The following RUNDC1 variants were observed in gnomAD, a reference collection of about 807,000 sequenced individuals.
The protein encoded by RUNDC1 is RUN domain-containing protein 1.
RUNDC1 carries 31 observed loss-of-function variants against 49.3 expected under a neutral mutation model. The observed-to-expected ratio is 0.63, with a 90% CI of 0.47 to 0.85. The LOEUF is 0.85. Among genes scored for constraint, RUNDC1 ranks in the 40% least tolerant of loss-of-function variants. The pLI, the probability that RUNDC1 is intolerant of heterozygous loss-of-function variation, is 0.00. For missense variants in RUNDC1, 715 were observed against 806.7 expected (o/e 0.89, Z 1.38); for synonymous variants, 347 against 348.6 (o/e 1.00, Z 0.05).
rs1158491596 is a variant in RUNDC1 at position 42,991,847 on chromosome 17, A to G, written c.*131A>G. The G allele has an allele frequency of 2.2e-6, 2 of 907,636 alleles. No homozygotes were observed. Among genetic ancestry groups the G allele is most frequent in the East Asian group, 4.9e-5 (2 of 40,502 alleles). The allele number at this position is 907,636 out of a possible 1,614,324, so 56.2% of individuals were successfully genotyped here. The stretch of plus-strand genomic sequence containing the variant: ...CCAGACCCTGCTCAGGCAGTCGGCC[A>G]AATGAGTGCAAAGTCTGTTTTCCCC... On this transcript the variant is annotated 3_prime_UTR_variant, in exon 5 of 5. Coordinates refer to ENST00000361677, the MANE Select transcript of RUNDC1 (RefSeq NM_173079.5).
rs749457403 is a variant in RUNDC1, at chr17:42,991,290, G to A, written c.1416G>A (p.Pro472=). 227 of 1,614,012 alleles carry A rather than the reference G, an allele frequency of 1.4e-4. 1 individual carries two copies. The highest frequency in any genetic ancestry group is 1.6e-4 in the Non-Finnish European group (194 of 1,180,044). The change falls in exon 5 of 5, where the codon CCG becomes CCA. Residue 472 remains proline, a synonymous_variant. Transcript: ENST00000361677. ...CCTCGGCCCCAGAGGCCATGCACCC[G>A]TGGGAGCTCTTTGTAAAGTACTACC... ...AFSSAPEAMH[P]WELFVKYYHA... is the part of the protein sequence containing the mutation.
Position 42,993,274 on chromosome 17 carries a change from G to A in RUNDC1, c.*1558G>A, listed in dbSNP as rs886867975. 2.6e-5 allele frequency: 4 copies of A among 152,184 alleles called. No individual in the cohort carries two copies. Among genetic ancestry groups the A allele is most frequent in the Non-Finnish European group, 5.9e-5 (4 of 68,058 alleles). The allele number at this position is 152,184 out of a possible 1,614,324, so 9.4% of individuals were successfully genotyped here. On this transcript the variant is annotated 3_prime_UTR_variant, in exon 5 of 5. Coordinates refer to ENST00000361677, the MANE Select transcript of RUNDC1 (RefSeq NM_173079.5). ...GTTCTATTTGGTCTTCAGTGTTTTAGCCTCGTTAGTTCATATTTGGCATGC... is the reference window on the plus strand; with the variant it reads ...GTTCTATTTGGTCTTCAGTGTTTTAACCTCGTTAGTTCATATTTGGCATGC...
At chr17:42,985,602 C>CTTTTTTTTTTTTTTTTTTTTT (rs71157692) in intron 1 of RUNDC1, 1 of 169,708 alleles carries the variant, frequency 5.9e-6, no homozygotes. Flanking sequence ...TTGTTGTTTT[C>CTTTTTTTTTTTTTTTTTTTTT]TTTTTTTTTT....
chr17:42,987,075 CAAATTGCCTAGGATG>C (rs1374817463), intron 1 of RUNDC1, among the ~76,000 whole-genome samples, 166 bp from the exon 2 acceptor site: 1 of 152,178 alleles, frequency 6.6e-6, no homozygotes, highest in East Asian at 1.9e-4. Context: ...ACCCATTTGA[CAAATTGCCTAGGATG>C]AAATAATTAT....
At chr17:42,981,229 G>A in intron 1 of RUNDC1, 155 bp downstream of exon 1, 2 of 950,288 alleles carry the variant, frequency 2.1e-6, no homozygotes, top group Non-Finnish European at 3.0e-6. Context: ...GTGCGGGGCC[G>A]GCTGAAGGGC....
chr17:42,991,206 C>T lies in RUNDC1; in HGVS notation c.1332C>T (p.Ala444=), dbSNP rs778075186. ...ACCTGCTGGCCCATGGACTGTATGC[C>T]TCCTCCCCAGGGATGAGCCTTGTTA... ...VRDLLAHGLY[A]SSPGMSLVMA... Residue 444 remains alanine (A), a synonymous_variant, in exon 5 of 5, where the codon GCC becomes GCT. Transcript: ENST00000361677. 3 of 1,614,208 alleles carry T rather than the reference C, an allele frequency of 1.9e-6. No individual in the cohort carries two copies. Among genetic ancestry groups the T allele is most frequent in the Non-Finnish European group, 1.7e-6 (2 of 1,180,044 alleles).
chr17:42,980,813 G>T lies in RUNDC1; in HGVS notation c.237G>T (p.Thr79=), dbSNP rs2151954590. The part of the protein sequence containing the change: ...PGSPPDSPGR[T]LRRLRAERRR... ...CCCCGCCGGATTCGCCGGGCCGGACGCTGCGGCGGCTGCGGGCAGAGCGGC... is the reference window on the plus strand; with the variant it reads ...CCCCGCCGGATTCGCCGGGCCGGACTCTGCGGCGGCTGCGGGCAGAGCGGC... Residue 79 remains threonine, a synonymous_variant, in exon 1 of 5, where the codon ACG becomes ACT. Transcript: ENST00000361677. 2.2e-6 allele frequency: 3 copies of T among 1,375,270 alleles called. No homozygotes were observed. The highest frequency in any genetic ancestry group is 3.4e-5 in the South Asian group (2 of 58,152). 85.2% of individuals were successfully genotyped at this position (1,375,270 alleles called of 1,614,324 possible). A position where few individuals can be genotyped will look rare whatever the true frequency, so the allele number is the denominator to read the frequency against.
intron 1 of RUNDC1, among the ~76,000 whole-genome samples, chr17:42,986,685 T>A (rs904890768): frequency 5.9e-5 from 9 of 151,860 alleles, no homozygotes; most frequent in Admixed American, 2.6e-4. Context: ...GTATTTTTAG[T>A]AGAGACGGGG....
intron 1 of RUNDC1, among the ~76,000 whole-genome samples, chr17:42,983,359 T>C (rs898984699): frequency 6.7e-6 from 1 of 149,004 alleles, no homozygotes; most frequent in Non-Finnish European, 1.5e-5. Flanking sequence ...ACCACTTACC[T>C]TTTTTTTTCT....
At chr17:42,986,266 A>G (rs570652796) in intron 1 of RUNDC1, among the ~76,000 whole-genome samples, 1 of 152,012 alleles carries the variant, frequency 6.6e-6, no homozygotes, top group East Asian at 1.9e-4. Flanking sequence ...GGCATGCACC[A>G]CCATGCCCAG....
At chr17:42,983,841 T>G (rs2050135061) in intron 1 of RUNDC1, among the ~76,000 whole-genome samples, 1 of 147,904 alleles carries the variant, frequency 6.8e-6, no homozygotes, top group Admixed American at 6.7e-5. Context: ...CTGGCTAATT[T>G]TTGTATTTTT....
rs540198882 is a variant in RUNDC1 at position 42,994,978 on chromosome 17, A to T, written c.*3262A>T. ...AAGCCGTCTAAGGTGCTCTCCAATC[A>T]TTCATTCACTATTGATCACTTAGCA... On this transcript the variant is annotated 3_prime_UTR_variant, in exon 5 of 5. Coordinates refer to ENST00000361677, the MANE Select transcript of RUNDC1 (RefSeq NM_173079.5). Among the ~76,000 whole-genome samples, 1 of 152,308 alleles carries T rather than the reference A, an allele frequency of 6.6e-6. No homozygotes were observed. The highest frequency in any genetic ancestry group is 1.9e-4 in the East Asian group (1 of 5,186).
At position 42,980,705 on chromosome 17, in the gene RUNDC1, G is replaced by A. The variant is rs17853898; in HGVS notation, c.129G>A (p.Val43=). 1 of 1,557,878 alleles carries A rather than the reference G, an allele frequency of 6.4e-7. No individual in the cohort carries two copies. Among genetic ancestry groups the A allele is most frequent in the Admixed American group, 1.9e-5 (1 of 51,292 alleles). Residue 43 remains valine (V), a synonymous_variant, in exon 1 of 5, where the codon GTG becomes GTA. Coordinates refer to ENST00000361677, the MANE Select transcript of RUNDC1 (RefSeq NM_173079.5). ...PPCEAVRWAP[V]GAVAEARPGA... is the part of the protein sequence containing the mutation. Reference sequence around the variant, plus strand: ...GCGAGGCGGTGCGCTGGGCCCCAGTGGGGGCGGTGGCGGAGGCCCGGCCTG... The same window carrying A: ...GCGAGGCGGTGCGCTGGGCCCCAGTAGGGGCGGTGGCGGAGGCCCGGCCTG...
At position 42,980,755 on chromosome 17, in the gene RUNDC1, C is replaced by T. The variant is rs144065038; in HGVS notation, c.179C>T (p.Ala60Val). The change falls in exon 1 of 5, where the codon GCG (alanine) becomes GTG (valine). Residue 60 changes from alanine (A) to valine (V), a missense_variant. This residue lies in a region of RUNDC1 where 153 missense variants were observed against 139.4 expected (regional missense o/e 1.10). Transcript: ENST00000361677. ...RPGATAFLEE[A>V]TAEEPGAAPG... is the part of the protein sequence containing the mutation. ...GGGGCAACCGCGTTTTTAGAAGAGG[C>T]GACGGCCGAGGAGCCTGGCGCGGCC... The T allele has an allele frequency of 9.2e-6, 14 of 1,516,282 alleles. No individual in the cohort carries two copies. The highest frequency in any genetic ancestry group is 1.1e-5 in the Non-Finnish European group (12 of 1,137,114). The allele number at this position is 1,516,282 out of a possible 1,614,324, so 93.9% of individuals were successfully genotyped here.
At position 42,991,996 on chromosome 17, in the gene RUNDC1, C is replaced by T. The variant is rs1555569128; in HGVS notation, c.*280C>T. On this transcript the variant is annotated 3_prime_UTR_variant, in exon 5 of 5. Coordinates refer to ENST00000361677, the MANE Select transcript of RUNDC1 (RefSeq NM_173079.5). The stretch of plus-strand genomic sequence containing the variant: ...TTGGGAGGCCGAGGCGGGCGGATCA[C>T]AAGGTCAGGAGTTCGAGACCATCCT... 2.6e-6 allele frequency: 1 copy of T among 385,486 alleles called. No individual in the cohort carries two copies. The highest frequency in any genetic ancestry group is 4.9e-6 in the Non-Finnish European group (1 of 205,628). 23.9% of individuals were successfully genotyped at this position (385,486 alleles called of 1,614,324 possible).
Position 42,992,922 on chromosome 17 carries a change from T to C in RUNDC1, c.*1206T>C, listed in dbSNP as rs764629162. ...GTTTATGAGGGGTGAGAAGTGATGT[T>C]TGTTACTATGTTCTCCAGCAAGTAA... On this transcript the variant is annotated 3_prime_UTR_variant, in exon 5 of 5. Transcript: ENST00000361677. 6.6e-6 allele frequency: 1 copy of C among 152,218 alleles called. No homozygotes were observed. The highest frequency in any genetic ancestry group is 1.5e-5 in the Non-Finnish European group (1 of 68,038). The allele number at this position is 152,218 out of a possible 1,614,324, so 9.4% of individuals were successfully genotyped here. A position where few individuals can be genotyped will look rare whatever the true frequency, so the allele number is the denominator to read the frequency against.
Position 42,980,568 on chromosome 17 carries a change from T to G in RUNDC1, c.-9T>G. On this transcript the variant is annotated 5_prime_UTR_variant, in exon 1 of 5. Coordinates refer to ENST00000361677, the MANE Select transcript of RUNDC1 (RefSeq NM_173079.5). ...GGCGCGGCTGACGTGCGGTGGTGTT[T>G]CCGGGAAGATGGCGGCTGTCGAAGC... The G allele has an allele frequency of 6.2e-7, 1 of 1,609,258 alleles. No individual in the cohort carries two copies. The highest frequency in any genetic ancestry group is 8.5e-7 in the Non-Finnish European group (1 of 1,179,184).
At chr17:42,990,170 G>A (rs1316564585) in intron 3 of RUNDC1, 147 bp from the exon 4 acceptor site, 2 of 995,704 alleles carry the variant, frequency 2.0e-6, no homozygotes, top group East Asian at 2.6e-5. Flanking sequence ...GCCAACTACT[G>A]TATGCCAGTC....
Position 42,994,383 on chromosome 17 carries a change from A to C in RUNDC1, c.*2667A>C, listed in dbSNP as rs9911808. Among the ~76,000 whole-genome samples, 2,774 of 152,320 alleles carry C rather than the reference A, an allele frequency of 0.018. 81 individuals carry two copies. The highest frequency in any genetic ancestry group is 0.063 in the African/African-American group (2,629 of 41,564). ...TGGGACAGTATTATCCCCACTTTAC[A>C]GCTGAGGAAACTGAACTGCAGAGAG... On this transcript the variant is annotated 3_prime_UTR_variant, in exon 5 of 5. Transcript: ENST00000361677.
Sources: allele counts gnomAD v4.1 joint callset (sites outside exome capture counted in the v4.1 genomes callset), GRCh38; gene constraint gnomAD v4.1.1; regional missense constraint gnomAD v4.1.1; transcripts MANE v1.5; gene names NCBI Gene and HGNC (gene_info 2026-07-23, HGNC 2026-07-21).